The following KATNBL1 variants were observed in gnomAD, a reference collection of about 807,000 sequenced individuals.
The protein encoded by KATNBL1 is katanin regulatory subunit B1 like 1, also known as KATNB1-like protein 1.
A neutral mutation model predicts 44.7 loss-of-function variants in KATNBL1; 28 were observed. The observed-to-expected ratio is 0.63, with a 90% CI of 0.46 to 0.86. The LOEUF is 0.86. Among genes scored for constraint, KATNBL1 ranks in the 40% least tolerant of loss-of-function variants. The probability of loss-of-function intolerance (pLI) is 0.00; values close to 1 mark genes in which losing one functional copy is unlikely to be tolerated. For missense variants in KATNBL1, 272 were observed against 350.7 expected, an observed-to-expected ratio of 0.78 and a Z score of 1.79; for synonymous variants, 78 against 114.9, an observed-to-expected ratio of 0.68 and a Z score of 2.06.
At chr15:34,172,665 A>G (rs1889200531) in intron 1 of KATNBL1, among the ~76,000 whole-genome samples, 1 of 152,132 alleles carries the variant, frequency 6.6e-6, no homozygotes. Context: ...AACCAGGCTT[A>G]TACACTCCAG....
chr15:34,146,735 G>T (rs373800829), intron 8 of KATNBL1, 26 bp downstream of exon 8: 11 of 1,321,294 alleles, frequency 8.3e-6, no homozygotes, highest in South Asian at 1.2e-5. Context: ...ATTTCAGCAT[G>T]AGTTTATCTT....
At chr15:34,176,807 T>C (rs533989924) in intron 1 of KATNBL1, among the ~76,000 whole-genome samples, 26 of 152,354 alleles carry the variant, frequency 1.7e-4, no homozygotes, top group Non-Finnish European at 2.9e-4. Context: ...AAAGGATTTA[T>C]ACACTACAAA....
chr15:34,151,435 A>ATTTTTTTTTTTTTTTTTTTTTTT (rs1491367010), intron 4 of KATNBL1, among the ~76,000 whole-genome samples: 6 of 63,826 alleles, frequency 9.4e-5, no homozygotes, highest in Non-Finnish European at 1.6e-4. Context: ...TCCTTTGCCT[A>ATTTTTTTTTTTTTTTTTTTTTTT]CTTTTTTTTT....
At chr15:34,155,603 CA>C (rs1480044998) in intron 2 of KATNBL1, among the ~76,000 whole-genome samples, 1 of 152,192 alleles carries the variant, frequency 6.6e-6, no homozygotes, top group African/African-American at 2.4e-5. Flanking sequence ...ATACTTTCAT[CA>C]GGGGCGGTAT....
chr15:34,160,135 A>G (rs540961331), intron 2 of KATNBL1, among the ~76,000 whole-genome samples: 1 of 152,318 alleles, frequency 6.6e-6, no homozygotes, highest in Non-Finnish European at 1.5e-5. Flanking sequence ...TTTCTTTTAA[A>G]GTGACCTAAT....
intron 1 of KATNBL1, among the ~76,000 whole-genome samples, chr15:34,172,085 TA>T (rs1195962110): frequency 6.6e-6 from 1 of 151,502 alleles, no homozygotes; most frequent in Non-Finnish European, 1.5e-5. Flanking sequence ...GAATAAAAAA[TA>T]AATAAAGAAA....
intron 1 of KATNBL1, among the ~76,000 whole-genome samples, chr15:34,196,159 T>C (rs1365435744): frequency 1.3e-5 from 2 of 152,228 alleles, no homozygotes. Flanking sequence ...GGCTCACACC[T>C]GTAATCCCAG....
chr15:34,196,659 C>T (rs1014160371), intron 1 of KATNBL1, among the ~76,000 whole-genome samples: 3 of 151,900 alleles, frequency 2.0e-5, no homozygotes, highest in African/African-American at 7.3e-5. Context: ...ACCCAGGAAG[C>T]AGAGGCTGCA....
chr15:34,204,941 G>A (rs1890254119), intron 1 of KATNBL1, among the ~76,000 whole-genome samples: 1 of 151,462 alleles, frequency 6.6e-6, no homozygotes, highest in African/African-American at 2.4e-5. Context: ...AACTATTCTT[G>A]ACGATTATTT....
intron 1 of KATNBL1, among the ~76,000 whole-genome samples, chr15:34,194,446 A>T (rs1889978022): frequency 6.6e-6 from 1 of 152,064 alleles, no homozygotes; most frequent in Non-Finnish European, 1.5e-5. Flanking sequence ...CTGTCTCTAT[A>T]AAAAATAAGA....
chr15:34,193,036 TGA>T (rs1256541013), intron 1 of KATNBL1, among the ~76,000 whole-genome samples: 2 of 145,632 alleles, frequency 1.4e-5, no homozygotes, highest in East Asian at 4.1e-4. Flanking sequence ...GCTAACACAG[TGA>T]AACCCCGCCT....
At chr15:34,143,966 CAAAAA>C (rs61591705) in intron 9 of KATNBL1, among the ~76,000 whole-genome samples, 17 of 66,410 alleles carry the variant, frequency 2.6e-4, no homozygotes, top group African/African-American at 1.2e-3. Context: ...GATTCCATCT[CAAAAA>C]AAAAAAAAAA....
chr15:34,181,565 T>C (rs1180607210), intron 1 of KATNBL1, among the ~76,000 whole-genome samples: 3 of 142,098 alleles, frequency 2.1e-5, no homozygotes, highest in Non-Finnish European at 4.6e-5. Flanking sequence ...TATGTCCATA[T>C]ATATATCCAT....
At chr15:34,175,527 TAA>T (rs1889303797) in intron 1 of KATNBL1, among the ~76,000 whole-genome samples, 1 of 152,236 alleles carries the variant, frequency 6.6e-6, no homozygotes, top group Non-Finnish European at 1.5e-5. Flanking sequence ...CTTCAGAGGC[TAA>T]AACAGTTTTC....
chr15:34,208,456 T>C (rs1204007294), intron 1 of KATNBL1: 1 of 152,246 alleles, frequency 6.6e-6, no homozygotes. Context: ...AATTTATTCC[T>C]TGTCAAGGAG....
chr15:34,153,139 GAATT>G, intron 3 of KATNBL1, 70 bp from the exon 4 acceptor site: 1 of 1,021,308 alleles, frequency 9.8e-7, no homozygotes, highest in East Asian at 2.4e-5. Context: ...TTTAAACAGA[GAATT>G]AATAGGCTAT....
intron 2 of KATNBL1, chr15:34,154,969 C>T (rs187802218): frequency 1.7e-4 from 67 of 395,078 alleles, no homozygotes; most frequent in African/African-American, 1.3e-3. Context: ...GGCAGAGTGG[C>T]GGGGTGAGCA....
chr15:34,148,175 G>A (rs191342125), intron 5 of KATNBL1, among the ~76,000 whole-genome samples: 5 of 152,302 alleles, frequency 3.3e-5, no homozygotes, highest in Non-Finnish European at 5.9e-5. Context: ...TAGAAGGTTA[G>A]TTTTCCCATA....
Position 34,145,361 on chromosome 15 carries a change from T to A in KATNBL1, c.882+37A>T, listed in dbSNP as rs573876613. On this transcript the variant is annotated intron_variant, in intron 9 of 9. Coordinates refer to ENST00000256544, the MANE Select transcript of KATNBL1 (RefSeq NM_024713.3). Reference sequence around the variant, plus strand: ...ATAAATGTAAAATATTATTTCTAATTTTTAATGTTTAATTTATAAGCTTAA... The same window carrying A: ...ATAAATGTAAAATATTATTTCTAATATTTAATGTTTAATTTATAAGCTTAA... 5.9e-6 allele frequency: 8 copies of A among 1,352,526 alleles called. No individual in the cohort carries two copies. The South Asian group carries it at 1.6e-4, about 26-fold the overall frequency. 83.8% of individuals were successfully genotyped at this position (1,352,526 alleles called of 1,614,324 possible).
Sources: allele counts gnomAD v4.1 joint callset (sites outside exome capture counted in the v4.1 genomes callset), GRCh38; gene constraint gnomAD v4.1.1; transcripts MANE v1.5; gene names NCBI Gene and HGNC (gene_info 2026-07-23, HGNC 2026-07-21).